Variants in CHST11 observed in about 807,000 individuals in gnomAD.
CHST11 encodes C4S-1.
In CHST11, 9 loss-of-function variants were observed where a neutral mutation model predicts 30.4. That is an observed-to-expected ratio of 0.30 (90% CI 0.18 to 0.52). The LOEUF is 0.52. Among genes scored for constraint, CHST11 ranks in the 20% least tolerant of loss-of-function variants. The probability of loss-of-function intolerance (pLI) is 0.97; values close to 1 mark genes in which losing one functional copy is unlikely to be tolerated. For synonymous variants in CHST11, 152 were observed against 187.8 expected (o/e 0.81, Z 1.56); for missense variants, 348 against 460.6 (o/e 0.76, Z 2.24).
In CHST11 at chr12:104,639,394, T is replaced by C. The variant is rs140764655; in HGVS notation, c.204+37403T>C. Among the ~76,000 whole-genome samples, 588 of 152,284 alleles carry C rather than the reference T, an allele frequency of 3.9e-3. 2 individuals carry two copies. The highest frequency in any genetic ancestry group is 0.013 in the African/African-American group (550 of 41,530). On this transcript the variant is annotated intron_variant, in intron 2 of 2. Transcript: ENST00000303694. The stretch of plus-strand genomic sequence containing the variant: ...AGCTTGTGAATGGATACACAAAATA[T>C]GGTATATCCATACAATTGATACCCA...
intron 1 of CHST11, among the ~76,000 whole-genome samples, chr12:104,531,338 A>G (rs2038181448): frequency 1.3e-5 from 2 of 152,000 alleles, no homozygotes; most frequent in Admixed American, 1.3e-4. Context: ...AAAATGTAAA[A>G]AATTAGCCAG....
At chr12:104,601,077 T>C (rs550514161) in intron 1 of CHST11, among the ~76,000 whole-genome samples, 10 of 150,256 alleles carry the variant, frequency 6.7e-5, no homozygotes, top group Non-Finnish European at 1.0e-4. Flanking sequence ...CCTACCTTCC[T>C]TTTTTCCTTC....
chr12:104,637,365 T>G, intron 2 of CHST11, among the ~76,000 whole-genome samples: 2 of 133,378 alleles, frequency 1.5e-5, no homozygotes, highest in Non-Finnish European at 1.6e-5. Context: ...AGGGATAGCA[T>G]TAGGAGATAT....
chr12:104,520,265 A>G (rs567679183), intron 1 of CHST11, among the ~76,000 whole-genome samples: 1 of 152,156 alleles, frequency 6.6e-6, no homozygotes, highest in Non-Finnish European at 1.5e-5. Flanking sequence ...TGCTCTGCTC[A>G]TCTCTCAGGA....
intron 2 of CHST11, among the ~76,000 whole-genome samples, chr12:104,633,110 C>T (rs999090159): frequency 2.6e-5 from 4 of 152,174 alleles, no homozygotes; most frequent in Non-Finnish European, 5.9e-5. Flanking sequence ...TGGGCTTTGC[C>T]GGGAAGCAGG....
chr12:104,748,799 G>C (rs945673241), intron 2 of CHST11, among the ~76,000 whole-genome samples: 1 of 152,208 alleles, frequency 6.6e-6, no homozygotes, highest in African/African-American at 2.4e-5. Flanking sequence ...GGGCTTGCTA[G>C]AAATGCAGGT....
chr12:104,545,835 C>CT (rs149634755), intron 1 of CHST11, among the ~76,000 whole-genome samples: 5 of 151,154 alleles, frequency 3.3e-5, no homozygotes, highest in Non-Finnish European at 7.4e-5. Flanking sequence ...CTCTGTCTCT[C>CT]TTTTTTTAAA....
At chr12:104,477,471 T>G (rs751821428) in intron 1 of CHST11, among the ~76,000 whole-genome samples, 6 of 152,208 alleles carry the variant, frequency 3.9e-5, no homozygotes, top group Non-Finnish European at 7.3e-5. Flanking sequence ...GTCTGAATGC[T>G]GCGTCTCTCC....
At chr12:104,488,775 A>G (rs1305632306) in intron 1 of CHST11, among the ~76,000 whole-genome samples, 6 of 148,156 alleles carry the variant, frequency 4.0e-5, no homozygotes, top group African/African-American at 1.5e-4. Flanking sequence ...GTGTGTGTCT[A>G]TACACATACC....
chr12:104,688,346 C>T (rs2039867737), intron 2 of CHST11, among the ~76,000 whole-genome samples: 1 of 151,998 alleles, frequency 6.6e-6, no homozygotes, highest in African/African-American at 2.4e-5. Flanking sequence ...TGGTGGGCGC[C>T]ACTCCACCCA....
intron 2 of CHST11, among the ~76,000 whole-genome samples, chr12:104,673,451 T>G (rs1219771743): frequency 6.6e-6 from 1 of 152,238 alleles, no homozygotes; most frequent in African/African-American, 2.4e-5. Flanking sequence ...ACAAGTAACT[T>G]ACCCTCTTTG....
At chr12:104,536,167 G>A (rs1268918733) in intron 1 of CHST11, among the ~76,000 whole-genome samples, 1 of 152,272 alleles carries the variant, frequency 6.6e-6, no homozygotes, top group South Asian at 2.1e-4. Flanking sequence ...AAGTATCTTC[G>A]GGATGAGGGC....
chr12:104,574,648 G>A (rs2038663795), intron 1 of CHST11, among the ~76,000 whole-genome samples: 1 of 148,662 alleles, frequency 6.7e-6, no homozygotes, highest in Admixed American at 6.7e-5. Context: ...TCATAGGTGG[G>A]AATTGAACAA....
intron 2 of CHST11, among the ~76,000 whole-genome samples, chr12:104,735,280 C>T (rs1247637491): frequency 1.3e-5 from 2 of 152,176 alleles, no homozygotes; most frequent in East Asian, 3.8e-4. Flanking sequence ...ACGTCTCTAC[C>T]TTGTAGGAGT....
In CHST11 at chr12:104,457,305, A is replaced by C; in HGVS notation, c.-107A>C. ...CCGATCCTCCCTCTGAGCCTTGCTC[A>C]GCTCTGCCCCGCGCCTCCCGGGCTC... On this transcript the variant is annotated 5_prime_UTR_variant, in exon 1 of 3. Transcript: ENST00000303694. The C allele has an allele frequency of 1.4e-6, 1 of 715,252 alleles. No homozygotes were observed. The highest frequency in any genetic ancestry group is 1.8e-5 in the African/African-American group (1 of 56,374). The allele number at this position is 715,252 out of a possible 1,614,324, so 44.3% of individuals were successfully genotyped here.
intron 2 of CHST11, among the ~76,000 whole-genome samples, chr12:104,616,523 T>TG (rs1267082531): frequency 6.6e-6 from 1 of 151,578 alleles, no homozygotes; most frequent in African/African-American, 2.4e-5. Flanking sequence ...TGGAGTGCAG[T>TG]GGCGCAATCT....
chr12:104,464,569 TC>T (rs1411328103), intron 1 of CHST11, among the ~76,000 whole-genome samples: 3 of 152,154 alleles, frequency 2.0e-5, no homozygotes, highest in African/African-American at 7.2e-5. Context: ...AGTGGTGAGA[TC>T]ACGGCTCACT....
intron 2 of CHST11, among the ~76,000 whole-genome samples, chr12:104,749,298 C>G (rs1320276046): frequency 6.6e-6 from 1 of 152,224 alleles, no homozygotes; most frequent in African/African-American, 2.4e-5. Flanking sequence ...TTTCTGATAA[C>G]TAGAGCAAGA....
intron 2 of CHST11, among the ~76,000 whole-genome samples, chr12:104,742,304 A>G (rs917908422): frequency 2.0e-5 from 3 of 152,158 alleles, no homozygotes; most frequent in Non-Finnish European, 4.4e-5. Context: ...GAAGGGAGGC[A>G]AGCCCCTGCC....
Sources: gnomAD v4.1 joint callset for allele counts (sites outside exome capture counted in the v4.1 genomes callset) on GRCh38, gnomAD v4.1.1 for gene constraint, MANE v1.5 for transcripts, NCBI Gene and HGNC (gene_info 2026-07-23, HGNC 2026-07-21) for gene names.